SLC8A1: variants seen among roughly 807,000 people sequenced by gnomAD.
SLC8A1 encodes the protein solute carrier family 8 member A1, also known as sodium/calcium exchanger 1.
Under a neutral mutation model 68.3 loss-of-function variants are expected in SLC8A1, and 18 were observed. That is an observed-to-expected ratio of 0.26 (90% confidence interval 0.18 to 0.39). The LOEUF (loss-of-function observed/expected upper bound fraction) is 0.39. Among genes scored for constraint, SLC8A1 ranks in the 10% least tolerant of loss-of-function variants. The pLI, the probability that SLC8A1 is intolerant of heterozygous loss-of-function variation, is 1.00. For missense variants in SLC8A1, 985 were observed against 1,156.7 expected, an observed-to-expected ratio of 0.85 and a Z score of 2.15; for synonymous variants, 475 against 415.5, an observed-to-expected ratio of 1.14 and a Z score of -1.74.
At chr2:40,488,744 ATATTATAT>A (rs1705131988) in intron 1 of SLC8A1, among the ~76,000 whole-genome samples, 1 of 152,058 alleles carries the variant, frequency 6.6e-6, no homozygotes, top group African/African-American at 2.4e-5. Flanking sequence ...TGCCGTGTTA[ATATTATAT>A]GCAATTTGAT....
At chr2:40,185,015 C>T (rs2050444978) in intron 2 of SLC8A1, among the ~76,000 whole-genome samples, 1 of 151,280 alleles carries the variant, frequency 6.6e-6, no homozygotes, top group African/African-American at 2.4e-5. Context: ...ACATGGTCCA[C>T]ATAATTAGCT....
At chr2:40,134,288 C>T (rs1011132866) in intron 7 of SLC8A1, among the ~76,000 whole-genome samples, 1 of 151,948 alleles carries the variant, frequency 6.6e-6, no homozygotes, top group African/African-American at 2.4e-5. Flanking sequence ...GACAGGGTTT[C>T]AGCATGTTGG....
chr2:40,255,454 G>A (rs945879779), intron 2 of SLC8A1, among the ~76,000 whole-genome samples: 2 of 152,150 alleles, frequency 1.3e-5, no homozygotes, highest in African/African-American at 2.4e-5. Context: ...AAACTATTTT[G>A]TACAGAGAAC....
At chr2:40,381,195 C>CA (rs1346697766) in intron 2 of SLC8A1, among the ~76,000 whole-genome samples, 1 of 152,020 alleles carries the variant, frequency 6.6e-6, no homozygotes, top group African/African-American at 2.4e-5. Context: ...GCAATACCAC[C>CA]AGCCCTGCTT....
At chr2:40,198,845 T>G (rs1432695699) in intron 2 of SLC8A1, among the ~76,000 whole-genome samples, 1 of 151,628 alleles carries the variant, frequency 6.6e-6, no homozygotes, top group African/African-American at 2.4e-5. Context: ...TCAGACCCTT[T>G]CCCTGCTGAT....
intron 2 of SLC8A1, among the ~76,000 whole-genome samples, chr2:40,271,059 G>A (rs2065962260): frequency 6.6e-6 from 1 of 152,040 alleles, no homozygotes; most frequent in Non-Finnish European, 1.5e-5. Flanking sequence ...TTCTCCTCAG[G>A]CTATTTTCCA....
rs1050004951 is a variant in SLC8A1 at position 40,386,690 on chromosome 2, A to G, written c.1808+41783T>C. 7.3e-5 allele frequency among the ~76,000 whole-genome samples: 11 copies of G among 150,818 alleles called. 1 individual carries two copies. Among genetic ancestry groups the G allele is most frequent in the African/African-American group, 2.5e-4 (10 of 40,532 alleles). On this transcript the variant is annotated intron_variant, in intron 2 of 7. Transcript: ENST00000406785. ...TATATTATTAATAAATAATTGTAGGAAAAGTCAGTAAGTCCATATATTCAT... is the reference window on the plus strand; with the variant it reads ...TATATTATTAATAAATAATTGTAGGGAAAGTCAGTAAGTCCATATATTCAT...
chr2:40,131,260 G>C (rs1036129037), intron 7 of SLC8A1, among the ~76,000 whole-genome samples: 5 of 152,254 alleles, frequency 3.3e-5, no homozygotes, highest in Non-Finnish European at 5.9e-5. Context: ...CCTCTCTAAA[G>C]CTCATGTTCT....
chr2:40,486,962 G>C (rs1011890374), intron 1 of SLC8A1, among the ~76,000 whole-genome samples: 3 of 145,842 alleles, frequency 2.1e-5, no homozygotes, highest in Middle Eastern at 7.9e-3. Context: ...AACACTGCAT[G>C]GTCTCACTCA....
chr2:40,245,219 T>A (rs557930144), intron 2 of SLC8A1, among the ~76,000 whole-genome samples: 3 of 114,100 alleles, frequency 2.6e-5, no homozygotes, highest in East Asian at 5.2e-4. Context: ...ATTCTGTGAT[T>A]TGTGCTGTTC....
intron 2 of SLC8A1, among the ~76,000 whole-genome samples, chr2:40,344,368 G>A (rs779171064): frequency 3.9e-5 from 6 of 152,076 alleles, no homozygotes; most frequent in African/African-American, 1.2e-4. Context: ...ACATGCTTTG[G>A]AGGGAGAGAT....
At chr2:40,384,727 C>T (rs9309055) in intron 2 of SLC8A1, among the ~76,000 whole-genome samples, 107,604 of 151,968 alleles carry the variant, frequency 0.71, 39,645 homozygotes, top group African/African-American at 0.92. Flanking sequence ...GAAAGCCTTT[C>T]GAAACCAAAA....
At chr2:40,144,698 C>T (rs371817072) in intron 6 of SLC8A1, among the ~76,000 whole-genome samples, 6 of 151,988 alleles carry the variant, frequency 3.9e-5, no homozygotes, top group South Asian at 2.1e-4. Flanking sequence ...TTCTCAGACC[C>T]GTGGGGACCA....
At chr2:40,300,315 A>G (rs1441458280) in intron 2 of SLC8A1, among the ~76,000 whole-genome samples, 1 of 152,188 alleles carries the variant, frequency 6.6e-6, no homozygotes, top group Non-Finnish European at 1.5e-5. Context: ...CACCCATCTG[A>G]CAGATGAGAA....
chr2:40,172,176 T>C (rs941457390), intron 4 of SLC8A1, among the ~76,000 whole-genome samples: 1 of 152,198 alleles, frequency 6.6e-6, no homozygotes. Context: ...TGCTTTTCGC[T>C]GTAGACCTAA....
intron 5 of SLC8A1, among the ~76,000 whole-genome samples, chr2:40,163,751 G>A (rs1449383686): frequency 2.6e-5 from 4 of 152,100 alleles, no homozygotes; most frequent in Non-Finnish European, 5.9e-5. Flanking sequence ...GTGGCCTAAA[G>A]GAAAAAGATT....
intron 2 of SLC8A1, among the ~76,000 whole-genome samples, chr2:40,380,938 C>G (rs563231351): frequency 4.9e-4 from 74 of 152,162 alleles, no homozygotes; most frequent in South Asian, 1.2e-3. Context: ...CTGTGACATG[C>G]CAGATTCTTC....
At chr2:40,289,138 CA>C (rs1279457984) in intron 2 of SLC8A1, among the ~76,000 whole-genome samples, 2 of 151,406 alleles carry the variant, frequency 1.3e-5, no homozygotes, top group African/African-American at 4.9e-5. Flanking sequence ...AACTTTTACG[CA>C]ATATCATTTT....
At chr2:40,387,885 C>T (rs966004119) in intron 2 of SLC8A1, among the ~76,000 whole-genome samples, 3 of 141,240 alleles carry the variant, frequency 2.1e-5, no homozygotes, top group African/African-American at 8.2e-5. Context: ...TGCAGTGAGC[C>T]GAAATCATGC....
Sources: gnomAD v4.1 joint callset for allele counts (sites outside exome capture counted in the v4.1 genomes callset) on GRCh38, gnomAD v4.1.1 for gene constraint, MANE v1.5 for transcripts, NCBI Gene and HGNC (gene_info 2026-07-23, HGNC 2026-07-21) for gene names.